Variants in KLHL6 observed in about 807,000 individuals in gnomAD.
The protein encoded by KLHL6 is kelch like family member 6.
A neutral mutation model predicts 58.6 loss-of-function variants in KLHL6; 41 were observed. That is an observed-to-expected ratio of 0.70 (90% CI 0.55 to 0.91). The LOEUF (loss-of-function observed/expected upper bound fraction) is 0.91. Among genes scored for constraint, KLHL6 ranks in the 40% least tolerant of loss-of-function variants. KLHL6 has a pLI of 0.00. For missense variants in KLHL6, 714 were observed against 805.6 expected (o/e 0.89, Z 1.38); for synonymous variants, 338 against 322.7 (o/e 1.05, Z -0.51).
rs543019864 is a variant in KLHL6 at position 183,513,277 on chromosome 3, C to T, written c.460-4769G>A. ...ATGCCATGAAAAGGGTATCTATTATCATCCCTGAGGAAACCAGATTCAGAG... is the reference window on the plus strand; with the variant it reads ...ATGCCATGAAAAGGGTATCTATTATTATCCCTGAGGAAACCAGATTCAGAG... On this transcript the variant is annotated intron_variant, in intron 2 of 6. Coordinates refer to ENST00000341319, the MANE Select transcript of KLHL6 (RefSeq NM_130446.4). 2.0e-5 allele frequency among the ~76,000 whole-genome samples: 3 copies of T among 152,348 alleles called. No homozygotes were observed. In the South Asian group the frequency reaches 6.2e-4, roughly 32 times the overall value.
intron 1 of KLHL6, among the ~76,000 whole-genome samples, chr3:183,551,102 C>A (rs1207867814): frequency 7.1e-6 from 1 of 140,014 alleles, no homozygotes; most frequent in Non-Finnish European, 1.5e-5. Flanking sequence ...GCCTGGGCGA[C>A]AGAGCAAGAC....
chr3:183,526,721 A>G (rs918441608), intron 2 of KLHL6, among the ~76,000 whole-genome samples: 4 of 152,212 alleles, frequency 2.6e-5, no homozygotes, highest in Admixed American at 6.6e-5. Context: ...ATCTCTATGG[A>G]AGTTCATCAC....
chr3:183,544,684 G>A (rs1167322299), intron 1 of KLHL6: 1 of 151,774 alleles, frequency 6.6e-6, no homozygotes, highest in Non-Finnish European at 1.5e-5. Context: ...TGATTCAGGC[G>A]GGAGCTCTCA....
At chr3:183,548,970 G>C (rs1195239836) in intron 1 of KLHL6, 1 of 151,642 alleles carries the variant, frequency 6.6e-6, no homozygotes, top group Non-Finnish European at 1.5e-5. Context: ...ACAGGTAGGG[G>C]AACAACACAA....
chr3:183,533,693 A>T (rs750152512), intron 1 of KLHL6, among the ~76,000 whole-genome samples: 6 of 152,172 alleles, frequency 3.9e-5, no homozygotes, highest in Non-Finnish European at 7.3e-5. Flanking sequence ...ACAGAGATAC[A>T]GAAAATCACT....
intron 1 of KLHL6, among the ~76,000 whole-genome samples, chr3:183,530,810 G>GTC (rs1156597630): frequency 6.6e-6 from 1 of 151,182 alleles, no homozygotes; most frequent in African/African-American, 2.4e-5. Flanking sequence ...AAACAATGAG[G>GTC]TACTCAGCTG....
At chr3:183,544,156 T>G (rs1712642668) in intron 1 of KLHL6, among the ~76,000 whole-genome samples, 2 of 97,238 alleles carry the variant, frequency 2.1e-5, no homozygotes, top group Admixed American at 1.6e-4. Context: ...AGAGCGAAAC[T>G]CAGTCTCAAA....
chr3:183,517,106 GT>G (rs199766198), intron 2 of KLHL6, among the ~76,000 whole-genome samples: 2,228 of 152,186 alleles, frequency 0.015, 48 homozygotes, highest in African/African-American at 0.051. Context: ...TAGACACAGG[GT>G]TTTGCCATGT....
At chr3:183,528,431 C>A (rs1712051643) in intron 1 of KLHL6, among the ~76,000 whole-genome samples, 1 of 152,230 alleles carries the variant, frequency 6.6e-6, no homozygotes, top group African/African-American at 2.4e-5. Context: ...CAGCTGAGGC[C>A]CAGATACCTG....
intron 1 of KLHL6, among the ~76,000 whole-genome samples, chr3:183,533,627 G>T (rs1293960026): frequency 6.6e-6 from 1 of 151,992 alleles, no homozygotes; most frequent in African/African-American, 2.4e-5. Context: ...AACTGTTTAT[G>T]GCTTCCCAGA....
In KLHL6 at chr3:183,491,535, GCTAT is replaced by G. The variant is rs2108661548; in HGVS notation, c.*388_*391del. The G allele has an allele frequency of 5.6e-6, 1 of 177,760 alleles. No homozygotes were observed. The highest frequency in any genetic ancestry group is 1.5e-4 in the East Asian group (1 of 6,674). 11.0% of individuals were successfully genotyped at this position (177,760 alleles called of 1,614,324 possible). On this transcript the variant is annotated 3_prime_UTR_variant, in exon 7 of 7. Coordinates refer to ENST00000341319, the MANE Select transcript of KLHL6 (RefSeq NM_130446.4). ...TTTTAGACTCCTGGGGTAGCTACTTGCTATCTGAGTGATCAGGGGCACGCCACTT... is the reference window on the plus strand; with the variant it reads ...TTTTAGACTCCTGGGGTAGCTACTTGCTGAGTGATCAGGGGCACGCCACTT...
intron 2 of KLHL6, 45 bp from the exon 3 acceptor site, chr3:183,508,553 T>C: frequency 6.4e-7 from 1 of 1,558,122 alleles, no homozygotes; most frequent in East Asian, 2.2e-5. Flanking sequence ...AAATGGTGAG[T>C]CCACAAGGAG....
chr3:183,554,816 C>T (rs77415577), intron 1 of KLHL6, among the ~76,000 whole-genome samples: 6,241 of 152,262 alleles, frequency 0.041, 179 homozygotes, highest in Non-Finnish European at 0.06. Flanking sequence ...AGAATGTAAG[C>T]ATTGCTTTTA....
Position 183,499,379 on chromosome 3 carries a change from T to C in KLHL6, c.1147+211A>G, listed in dbSNP as rs1577177283. ...AAGAAAAGAAAAGAAAAGAAAAAAA[T>C]AGTACAATGTTGCTCAGTTTTTTGT... On this transcript the variant is annotated intron_variant, in intron 4 of 6. Coordinates refer to ENST00000341319, the MANE Select transcript of KLHL6 (RefSeq NM_130446.4). The surrounding 1 kb of genome is among the most constrained non-coding windows in gnomAD (Gnocchi z 4.6). Among the ~76,000 whole-genome samples the C allele has an allele frequency of 6.6e-6, 1 of 151,718 alleles. No homozygotes were observed.
At chr3:183,530,696 T>C (rs2056324) in intron 1 of KLHL6, among the ~76,000 whole-genome samples, 65,980 of 152,030 alleles carry the variant, frequency 0.43, 16,831 homozygotes, top group Non-Finnish European at 0.58. Flanking sequence ...ATAAAATGCT[T>C]ATGGAATTAT....
chr3:183,554,213 T>C (rs578141005), intron 1 of KLHL6, among the ~76,000 whole-genome samples: 20 of 152,262 alleles, frequency 1.3e-4, no homozygotes, highest in African/African-American at 4.6e-4. Context: ...TTCACTGGGT[T>C]CCCAGCGCTA....
chr3:183,552,676 C>A (rs1367272818), intron 1 of KLHL6, among the ~76,000 whole-genome samples: 1 of 147,062 alleles, frequency 6.8e-6, no homozygotes, highest in African/African-American at 2.6e-5. Context: ...AGAGATTGTG[C>A]CACTGCACTC....
intron 2 of KLHL6, among the ~76,000 whole-genome samples, chr3:183,511,326 G>A (rs1718179473): frequency 6.6e-6 from 1 of 152,208 alleles, no homozygotes; most frequent in Admixed American, 6.5e-5. Flanking sequence ...CTGCCAACAT[G>A]TCTCGCCTCC....
At chr3:183,537,834 T>C (rs1470783097) in intron 1 of KLHL6, among the ~76,000 whole-genome samples, 1 of 152,164 alleles carries the variant, frequency 6.6e-6, no homozygotes, top group Non-Finnish European at 1.5e-5. Flanking sequence ...TTTTTCTTCA[T>C]AGCTCTGCAC....
Sources: gnomAD v4.1 joint callset for allele counts (sites outside exome capture counted in the v4.1 genomes callset) on GRCh38, gnomAD v4.1.1 for gene constraint, Gnocchi (gnomAD v3.1) non-coding constraint, MANE v1.5 for transcripts, NCBI Gene and HGNC (gene_info 2026-07-23, HGNC 2026-07-21) for gene names.